The following MAF variants were observed in gnomAD, a reference collection of about 807,000 sequenced individuals.
MAF encodes transcription factor Maf.
Under a neutral mutation model 22.0 loss-of-function variants are expected in MAF, and 10 were observed. That is an observed-to-expected ratio of 0.45 (90% confidence interval 0.28 to 0.77). The LOEUF (loss-of-function observed/expected upper bound fraction) is 0.77, where lower values mean the gene tolerates loss of function less well. MAF is among the 30% of genes least tolerant of loss of function. MAF has a pLI of 0.12. For missense variants in MAF, 544 were observed against 548.4 expected (o/e 0.99, Z 0.08); for synonymous variants, 337 against 255.8 (o/e 1.32, Z -3.03).
the MAF span, among the ~76,000 whole-genome samples, chr16:79,213,844 C>T: frequency 5.9e-5 from 9 of 152,336 alleles, no homozygotes; most frequent in Non-Finnish European, 1.2e-4. Flanking sequence ...ACATGTTACT[C>T]AGCAAAAGCT....
chr16:79,445,632 A>G, the MAF span, among the ~76,000 whole-genome samples: 3 of 152,220 alleles, frequency 2.0e-5, no homozygotes, highest in East Asian at 1.9e-4. Flanking sequence ...TCAAAGCTGA[A>G]TATCTTCCAT....
At chr16:79,226,386 G>T in the MAF span, among the ~76,000 whole-genome samples, 1 of 152,228 alleles carries the variant, frequency 6.6e-6, no homozygotes, top group Admixed American at 6.5e-5. Flanking sequence ...CAGGGGGTGG[G>T]GTGTTAGGGG....
chr16:79,234,692 C>A, the MAF span, among the ~76,000 whole-genome samples: 1 of 152,014 alleles, frequency 6.6e-6, no homozygotes, highest in Non-Finnish European at 1.5e-5. Flanking sequence ...TAGTGGTAGC[C>A]CCTGACTTTA....
the MAF span, chr16:79,206,725 T>C: frequency 1.3e-5 from 2 of 152,236 alleles, no homozygotes; most frequent in African/African-American, 4.8e-5. Context: ...GGTTAGCACT[T>C]ATTCCAAATT....
the MAF span, among the ~76,000 whole-genome samples, chr16:79,251,526 A>T: frequency 6.6e-6 from 1 of 152,132 alleles, no homozygotes. Flanking sequence ...CATGTTGGTC[A>T]GGTTGGTCTC....
At chr16:79,384,882 T>C in the MAF span, among the ~76,000 whole-genome samples, 1 of 152,222 alleles carries the variant, frequency 6.6e-6, no homozygotes, top group East Asian at 1.9e-4. Flanking sequence ...TGACAGTAGC[T>C]TGTGCAAACA....
At chr16:79,241,711 C>T in the MAF span, among the ~76,000 whole-genome samples, 4 of 152,002 alleles carry the variant, frequency 2.6e-5, no homozygotes, top group East Asian at 5.8e-4. Flanking sequence ...AGATACTCCT[C>T]GAGAAGAGCA....
chr16:79,508,654 C>A, the MAF span, among the ~76,000 whole-genome samples: 1 of 152,312 alleles, frequency 6.6e-6, no homozygotes, highest in Non-Finnish European at 1.5e-5. Context: ...CCTATACTGA[C>A]TTAAAGTAAA....
At chr16:79,229,453 G>C in the MAF span, 1 of 152,074 alleles carries the variant, frequency 6.6e-6, no homozygotes, top group Non-Finnish European at 1.5e-5. Context: ...TCCGTTGTCC[G>C]TGGAATTCAC....
the MAF span, among the ~76,000 whole-genome samples, chr16:79,519,971 C>T: frequency 6.6e-6 from 1 of 152,216 alleles, no homozygotes; most frequent in African/African-American, 2.4e-5. Flanking sequence ...GAAGGGAACT[C>T]TGTCTGTGCA....
At chr16:79,414,731 A>C in the MAF span, among the ~76,000 whole-genome samples, 99 of 152,372 alleles carry the variant, frequency 6.5e-4, no homozygotes, top group Non-Finnish European at 1.2e-3. Flanking sequence ...CTGGGAGCCA[A>C]GATCAAAATG....
At chr16:79,351,841 C>T in the MAF span, among the ~76,000 whole-genome samples, 14 of 152,090 alleles carry the variant, frequency 9.2e-5, no homozygotes. Context: ...GGAAATGTGG[C>T]AGCTTCACCA....
chr16:79,385,601 A>C, the MAF span, among the ~76,000 whole-genome samples: 1 of 152,196 alleles, frequency 6.6e-6, no homozygotes, highest in Non-Finnish European at 1.5e-5. Context: ...AAAGTTTGTT[A>C]ATTAATAGCT....
the MAF span, among the ~76,000 whole-genome samples, chr16:79,561,641 C>T: frequency 1.1e-3 from 163 of 152,186 alleles, no homozygotes; most frequent in African/African-American, 3.8e-3. Context: ...ACAAAGGAAA[C>T]ATTTTACACT....
At chr16:79,522,247 T>C in the MAF span, among the ~76,000 whole-genome samples, 4 of 152,250 alleles carry the variant, frequency 2.6e-5, no homozygotes, top group African/African-American at 9.6e-5. Context: ...TTGATCTCCA[T>C]TGAGCTCTCA....
chr16:79,473,338 T>C, the MAF span, among the ~76,000 whole-genome samples: 1 of 152,132 alleles, frequency 6.6e-6, no homozygotes, highest in Non-Finnish European at 1.5e-5. Context: ...AATATAACAA[T>C]GATTGTTCCA....
At chr16:79,404,898 CACTT>C in the MAF span, among the ~76,000 whole-genome samples, 26 of 152,184 alleles carry the variant, frequency 1.7e-4, 1 homozygote, top group African/African-American at 6.0e-4. Context: ...TCTCCCCAGA[CACTT>C]ACAAATTCAC....
the MAF span, among the ~76,000 whole-genome samples, chr16:79,467,885 T>G: frequency 6.7e-6 from 1 of 150,000 alleles, no homozygotes; most frequent in Non-Finnish European, 1.5e-5. Context: ...CAGGCAAACC[T>G]CCTCTCAAAT....
the MAF span, among the ~76,000 whole-genome samples, chr16:79,390,917 G>A: frequency 3.7e-4 from 57 of 152,302 alleles, no homozygotes; most frequent in African/African-American, 1.4e-3. Flanking sequence ...CTTTCCCTGA[G>A]ATGCTTATCA....
Sources: gnomAD v4.1 joint callset for allele counts (sites outside exome capture counted in the v4.1 genomes callset) on GRCh38, gnomAD v4.1.1 for gene constraint, MANE v1.5 for transcripts, NCBI Gene and HGNC (gene_info 2026-07-23, HGNC 2026-07-21) for gene names.